The following UBAP1 variants were observed in gnomAD, a reference collection of about 807,000 sequenced individuals.
UBAP1 encodes the protein ubiquitin associated protein 1.
UBAP1 carries 5 observed loss-of-function variants against 39.0 expected under a neutral mutation model. The observed-to-expected ratio is 0.13, with a 90% confidence interval of 0.07 to 0.27. The LOEUF (loss-of-function observed/expected upper bound fraction) is 0.27, where lower values mean the gene tolerates loss of function less well. UBAP1 is among the 10% of genes least tolerant of loss of function. The pLI is 1.00. For synonymous variants in UBAP1, 211 were observed against 225.1 expected (o/e 0.94, Z 0.56); for missense variants, 490 against 608.1 (o/e 0.81, Z 2.04).
At chr9:34,209,910 A>G (rs1407522822) in intron 1 of UBAP1, among the ~76,000 whole-genome samples, 6 of 152,214 alleles carry the variant, frequency 3.9e-5, no homozygotes, top group Admixed American at 1.3e-4. Flanking sequence ...CAAAAGGCTA[A>G]ATTTGTGATC....
intron 1 of UBAP1, among the ~76,000 whole-genome samples, chr9:34,209,978 C>G (rs534922436): frequency 2.0e-5 from 3 of 152,332 alleles, no homozygotes; most frequent in African/African-American, 7.2e-5. Flanking sequence ...AAACATACTT[C>G]TCTCTTTTCC....
intron 4 of UBAP1, among the ~76,000 whole-genome samples, chr9:34,249,220 C>T (rs770425473): frequency 1.2e-4 from 19 of 152,134 alleles, no homozygotes; most frequent in Non-Finnish European, 2.6e-4. Flanking sequence ...GGAGTACCCT[C>T]AAAACCCTGG....
intron 1 of UBAP1, among the ~76,000 whole-genome samples, chr9:34,180,795 C>CTT (rs11285458): frequency 2.1e-5 from 3 of 144,244 alleles, no homozygotes; most frequent in African/African-American, 5.1e-5. Context: ...GGAAAAAAAA[C>CTT]TTTTTTTTTT....
intron 2 of UBAP1, among the ~76,000 whole-genome samples, chr9:34,228,165 T>TCCCA (rs796785108): frequency 6.6e-6 from 1 of 151,490 alleles, no homozygotes; most frequent in South Asian, 2.1e-4. Flanking sequence ...ACGCCTTTAA[T>TCCCA]CCCAGCACTT....
intron 2 of UBAP1, among the ~76,000 whole-genome samples, chr9:34,231,402 G>C (rs1206480158): frequency 6.6e-6 from 1 of 151,668 alleles, no homozygotes; most frequent in Non-Finnish European, 1.5e-5. Flanking sequence ...TTTTAGTAGA[G>C]ATGGGGTTTC....
At chr9:34,189,387 C>G (rs767978224) in intron 1 of UBAP1, among the ~76,000 whole-genome samples, 7 of 151,572 alleles carry the variant, frequency 4.6e-5, no homozygotes, top group Non-Finnish European at 4.4e-5. Context: ...TGGGGTTTCA[C>G]CATGTTGGCT....
In UBAP1 at chr9:34,206,247, T is replaced by C. The variant is rs1831683381; in HGVS notation, c.-7-14661T>C. On this transcript the variant is annotated intron_variant, in intron 1 of 6. Transcript: ENST00000297661. ...AGGGTGGTTTGGTTGTAGACACTAA[T>C]TGCTTTGCTTATAAGCCTTAAGGAT... The C allele has an allele frequency of 2.0e-5, 3 of 152,244 alleles. No individual in the cohort carries two copies. The South Asian group carries it at 6.2e-4, about 31-fold the overall frequency. The allele number at this position is 152,244 out of a possible 1,614,324, so 9.4% of individuals were successfully genotyped here.
intron 1 of UBAP1, among the ~76,000 whole-genome samples, chr9:34,199,534 T>C (rs1831246714): frequency 1.3e-5 from 2 of 152,184 alleles, no homozygotes; most frequent in Admixed American, 1.3e-4. Context: ...ATTACCATGA[T>C]ACATTTGTCA....
chr9:34,233,308 G>T (rs1327583687), intron 2 of UBAP1, among the ~76,000 whole-genome samples: 1 of 149,690 alleles, frequency 6.7e-6, no homozygotes, highest in African/African-American at 2.5e-5. Flanking sequence ...TGCAACCTCC[G>T]TCTCCTGGGT....
chr9:34,198,181 G>C (rs538925254), intron 1 of UBAP1, among the ~76,000 whole-genome samples: 1 of 152,242 alleles, frequency 6.6e-6, no homozygotes. Context: ...GCTGCTCTGT[G>C]ACTTGGGAGG....
chr9:34,222,690 G>C (rs943670610), intron 2 of UBAP1, among the ~76,000 whole-genome samples: 1 of 152,012 alleles, frequency 6.6e-6, no homozygotes, highest in Admixed American at 6.6e-5. Flanking sequence ...TCAGCTACTC[G>C]GGAGGCTGAG....
intron 3 of UBAP1, among the ~76,000 whole-genome samples, chr9:34,239,207 C>G (rs1219202859): frequency 6.6e-6 from 1 of 152,190 alleles, no homozygotes; most frequent in Non-Finnish European, 1.5e-5. Context: ...CCACACCTGG[C>G]TAATTTTTGT....
chr9:34,200,742 C>T (rs1831321466), intron 1 of UBAP1, among the ~76,000 whole-genome samples: 1 of 152,104 alleles, frequency 6.6e-6, no homozygotes, highest in Non-Finnish European at 1.5e-5. Context: ...CTGTTTCTGT[C>T]CTATCCTATC....
chr9:34,226,211 T>C (rs1234844623), intron 2 of UBAP1, among the ~76,000 whole-genome samples: 1 of 146,064 alleles, frequency 6.8e-6, no homozygotes, highest in Non-Finnish European at 1.5e-5. Context: ...CTGGGCAACA[T>C]AGAAAAACCC....
In UBAP1 at chr9:34,241,298, T is replaced by C. The variant is rs1173273549; in HGVS notation, c.273T>C (p.Asn91=). The part of the protein sequence containing the change: ...CKIAEAEAKV[N]SKSGPEGDSK... ...TTGCGGAAGCAGAAGCTAAAGTGAA[T>C]TCTAAGAGTGGCCCAGAGGGCGATA... Residue 91 remains asparagine, a synonymous_variant, in exon 4 of 7, where the codon AAT becomes AAC. Transcript: ENST00000297661. 1 of 1,513,202 alleles carries C rather than the reference T, an allele frequency of 6.6e-7. No homozygotes were observed. Among genetic ancestry groups the C allele is most frequent in the Non-Finnish European group, 8.8e-7 (1 of 1,132,456 alleles). The allele number at this position is 1,513,202 out of a possible 1,614,324, so 93.7% of individuals were successfully genotyped here.
intron 3 of UBAP1, among the ~76,000 whole-genome samples, chr9:34,238,474 A>G (rs550353616): frequency 1.3e-5 from 2 of 152,364 alleles, no homozygotes; most frequent in East Asian, 3.9e-4. Flanking sequence ...TTACAATCCC[A>G]GCAGCACTAC....
chr9:34,241,271 A>C lies in UBAP1; in HGVS notation c.246A>C (p.Lys82Asn). 1 of 1,506,934 alleles carries C rather than the reference A, an allele frequency of 6.6e-7. No homozygotes were observed. The highest frequency in any genetic ancestry group is 8.9e-7 in the Non-Finnish European group (1 of 1,128,980). The allele number at this position is 1,506,934 out of a possible 1,614,324, so 93.3% of individuals were successfully genotyped here. A position where few individuals can be genotyped will look rare whatever the true frequency, so the allele number is the denominator to read the frequency against. ...AAGCCGAGCGGGAAGCAGAGTGCAA[A>C]ATTGCGGAAGCAGAAGCTAAAGTGA... ...IEEAEREAEC[K>N]IAEAEAKVNS... The change falls in exon 4 of 7, where the codon AAA becomes AAC. Residue 82 changes from lysine (K) to asparagine (N), a missense_variant. Physicochemically the swap from Lys to Asn is moderately conservative, Grantham distance 94 (BLOSUM62 0). This residue lies in a region of UBAP1 where 144 missense variants were observed against 184.4 expected (regional missense o/e 0.78). Coordinates refer to ENST00000297661, the MANE Select transcript of UBAP1 (RefSeq NM_016525.5).
At position 34,234,431 on chromosome 9, in the gene UBAP1, G is replaced by A. The variant is rs1026306014; in HGVS notation, c.159+91G>A. ...TAGTGAAATAGAAAAAATTACAGTT[G>A]TGAGCTGAATCATGTTTTGGTCAAC... On this transcript the variant is annotated intron_variant, in intron 3 of 6. Transcript: ENST00000297661. 7.1e-6 allele frequency: 10 copies of A among 1,415,342 alleles called. No individual in the cohort carries two copies. The Admixed American group carries it at 2.0e-4, about 28-fold the overall frequency. The allele number at this position is 1,415,342 out of a possible 1,614,324, so 87.7% of individuals were successfully genotyped here.
At chr9:34,249,045 G>C (rs1834329481) in intron 4 of UBAP1, among the ~76,000 whole-genome samples, 3 of 152,128 alleles carry the variant, frequency 2.0e-5, no homozygotes, top group Non-Finnish European at 1.5e-5. Context: ...GTAAGTTCCA[G>C]TGGCAGGGAG....
Sources: gnomAD v4.1 joint callset for allele counts (sites outside exome capture counted in the v4.1 genomes callset) on GRCh38, gnomAD v4.1.1 for gene constraint, gnomAD v4.1.1 regional missense constraint, MANE v1.5 for transcripts, NCBI Gene and HGNC (gene_info 2026-07-23, HGNC 2026-07-21) for gene names.